The following LIMCH1 variants were observed in gnomAD, a reference collection of about 807,000 sequenced individuals.
LIMCH1 encodes the protein LIM and calponin homology domains 1.
A neutral mutation model predicts 176.5 loss-of-function variants in LIMCH1; 113 were observed. The observed-to-expected ratio is 0.64, with a 90% CI of 0.55 to 0.75. The LOEUF is 0.75. LIMCH1 is among the 30% of genes least tolerant of loss of function. The pLI, the probability that LIMCH1 is intolerant of heterozygous loss-of-function variation, is 0.00. For synonymous variants in LIMCH1, 619 were observed against 645.9 expected, an observed-to-expected ratio of 0.96 and a Z score of 0.63; for missense variants, 1,674 against 1,814.9, an observed-to-expected ratio of 0.92 and a Z score of 1.41.
intron 1 of LIMCH1, among the ~76,000 whole-genome samples, chr4:41,570,906 G>A (rs1204621185): frequency 6.6e-6 from 1 of 152,172 alleles, no homozygotes; most frequent in Non-Finnish European, 1.5e-5. Flanking sequence ...ATTTGAAGGA[G>A]AGTGCAGAAA....
intron 18 of LIMCH1, among the ~76,000 whole-genome samples, chr4:41,657,152 A>G (rs1168637055): frequency 6.6e-6 from 1 of 152,138 alleles, no homozygotes; most frequent in African/African-American, 2.4e-5. Context: ...GTCCCATGCA[A>G]CCTTTCTGTG....
intron 22 of LIMCH1, among the ~76,000 whole-genome samples, chr4:41,673,728 T>C (rs1276175834): frequency 6.6e-6 from 1 of 152,108 alleles, no homozygotes; most frequent in African/African-American, 2.4e-5. Context: ...CCTAAAAATA[T>C]AAGGTCTTGG....
intron 1 of LIMCH1, among the ~76,000 whole-genome samples, chr4:41,441,560 T>C (rs2062704565): frequency 6.6e-6 from 1 of 152,114 alleles, no homozygotes; most frequent in African/African-American, 2.4e-5. Flanking sequence ...CTCCCCACCC[T>C]CAACGTCTAA....
chr4:41,402,980 A>T (rs1198750695), intron 1 of LIMCH1, among the ~76,000 whole-genome samples: 1 of 108,890 alleles, frequency 9.2e-6, no homozygotes, highest in Middle Eastern at 4.2e-3. Flanking sequence ...GTATAATAAT[A>T]AAAAAAAAGA....
In LIMCH1 at chr4:41,668,765, T is replaced by G. The variant is rs114444875; in HGVS notation, c.3397+2099T>G. Among the ~76,000 whole-genome samples the G allele has an allele frequency of 8.9e-3, 1,352 of 152,346 alleles. 17 individuals carry two copies. The highest frequency in any genetic ancestry group is 0.027 in the Middle Eastern group (8 of 294). ...GGGTAATTTATAAAGGAAAGAGGCT[T>G]CATTGACTCATAGTTCCACATGGCT... On this transcript the variant is annotated intron_variant, in intron 21 of 31. Transcript: ENST00000503057.
Position 41,631,208 on chromosome 4 carries a change from T to C in LIMCH1, c.1332T>C (p.Thr444=), listed in dbSNP as rs576878360. The C allele has an allele frequency of 6.5e-7, 1 of 1,536,078 alleles. No individual in the cohort carries two copies. The highest frequency in any genetic ancestry group is 1.2e-5 in the South Asian group (1 of 84,058). ...CTTCCCCAGAAATTAAAGCAGAAACTGCCATTCGTGATGACTTTGCCAACC... is the reference window on the plus strand; with the variant it reads ...CTTCCCCAGAAATTAAAGCAGAAACCGCCATTCGTGATGACTTTGCCAACC... ...SEPSPEIKAE[T]AIRDDFANRK... is the part of the protein sequence containing the mutation. The change falls in exon 10 of 32, where the codon ACT becomes ACC. Residue 444 remains threonine, a synonymous_variant. Coordinates refer to ENST00000503057, the MANE Select transcript of LIMCH1 (RefSeq NM_001330672.2).
chr4:41,606,085 A>C lies in LIMCH1; in HGVS notation c.9+81A>C, dbSNP rs983664418. The stretch of plus-strand genomic sequence containing the variant: ...ACATTTGCTTGTTTTTAAGATTACT[A>C]GAGTACTGGGTTGTGGAATGGTATG... On this transcript the variant is annotated intron_variant, in intron 4 of 31. Transcript: ENST00000503057. 7.4e-6 allele frequency: 7 copies of C among 945,240 alleles called. No individual in the cohort carries two copies. The African/African-American group carries it at 1.1e-4, about 15-fold the overall frequency. The allele number at this position is 945,240 out of a possible 1,614,324, so 58.6% of individuals were successfully genotyped here. A position where few individuals can be genotyped will look rare whatever the true frequency, so the allele number is the denominator to read the frequency against.
intron 5 of LIMCH1, among the ~76,000 whole-genome samples, chr4:41,616,712 A>G (rs980687536): frequency 1.3e-5 from 2 of 152,022 alleles, no homozygotes; most frequent in Non-Finnish European, 2.9e-5. Context: ...TCCCAAGGGT[A>G]TACTGGGCCG....
chr4:41,467,791 A>G (rs1034575592), intron 1 of LIMCH1, among the ~76,000 whole-genome samples: 5 of 152,338 alleles, frequency 3.3e-5, no homozygotes, highest in Middle Eastern at 6.8e-3. Flanking sequence ...AGCATTGCAC[A>G]TCTTGCAGTT....
At chr4:41,438,205 TG>T (rs953911266) in intron 1 of LIMCH1, among the ~76,000 whole-genome samples, 1 of 152,172 alleles carries the variant, frequency 6.6e-6, no homozygotes, top group Non-Finnish European at 1.5e-5. Flanking sequence ...AGCTGCTCAT[TG>T]AACAGAGATG....
intron 1 of LIMCH1, among the ~76,000 whole-genome samples, chr4:41,547,599 C>T (rs2079650512): frequency 1.4e-5 from 2 of 145,050 alleles, no homozygotes; most frequent in Non-Finnish European, 3.0e-5. Context: ...ATTAAATGAG[C>T]TAATATATAA....
At chr4:41,684,616 C>T in intron 27 of LIMCH1, 98 bp downstream of exon 27, 2 of 1,365,798 alleles carry the variant, frequency 1.5e-6, no homozygotes, top group Admixed American at 4.3e-5. Flanking sequence ...GCAGGCTTCT[C>T]TCTAAGGGCC....
chr4:41,533,636 G>C (rs2077565412), upstream of LIMCH1, among the ~76,000 whole-genome samples: 1 of 152,106 alleles, frequency 6.6e-6, no homozygotes, highest in Admixed American at 6.6e-5. Flanking sequence ...TGCCTTTTAG[G>C]AGACTACTTT....
chr4:41,376,002 T>C (rs1447516223), intron 1 of LIMCH1, among the ~76,000 whole-genome samples: 2 of 152,238 alleles, frequency 1.3e-5, no homozygotes, highest in Non-Finnish European at 2.9e-5. Context: ...AAATGAAGTA[T>C]GTAGAAAATA....
intron 1 of LIMCH1, among the ~76,000 whole-genome samples, chr4:41,552,048 G>T (rs940656631): frequency 6.6e-6 from 1 of 152,178 alleles, no homozygotes; most frequent in African/African-American, 2.4e-5. Context: ...AGCAAGGGAC[G>T]TCTTACATGG....
At chr4:41,493,132 G>A (rs1357574362) in intron 1 of LIMCH1, among the ~76,000 whole-genome samples, 1 of 151,826 alleles carries the variant, frequency 6.6e-6, no homozygotes, top group Non-Finnish European at 1.5e-5. Context: ...TGCTTTTTTA[G>A]CCATTCTGAC....
At chr4:41,452,157 A>G (rs961900425) in intron 1 of LIMCH1, among the ~76,000 whole-genome samples, 4 of 152,220 alleles carry the variant, frequency 2.6e-5, no homozygotes, top group African/African-American at 7.2e-5. Context: ...TGTTTTTGCT[A>G]CTATGGCAAC....
intron 1 of LIMCH1, among the ~76,000 whole-genome samples, chr4:41,455,804 C>G (rs756536827): frequency 2.6e-5 from 4 of 152,166 alleles, no homozygotes; most frequent in Non-Finnish European, 4.4e-5. Flanking sequence ...TGTCAAGAGT[C>G]TTGTTAATCA....
Position 41,603,633 on chromosome 4 carries a change from A to G in LIMCH1, c.-133-242A>G, listed in dbSNP as rs548776318. Reference sequence around the variant, plus strand: ...GACTTTTTCTATTTCCAGAAATTATAAAGCATCGTCTTTTTATAGCGTACT... The same window carrying G: ...GACTTTTTCTATTTCCAGAAATTATGAAGCATCGTCTTTTTATAGCGTACT... On this transcript the variant is annotated intron_variant, in intron 2 of 31. Coordinates refer to ENST00000503057, the MANE Select transcript of LIMCH1 (RefSeq NM_001330672.2). 2.6e-5 allele frequency among the ~76,000 whole-genome samples: 4 copies of G among 152,306 alleles called. 1 individual carries two copies. The highest frequency in any genetic ancestry group is 9.6e-5 in the African/African-American group (4 of 41,564).
Sources: allele counts gnomAD v4.1 joint callset (sites outside exome capture counted in the v4.1 genomes callset), GRCh38; gene constraint gnomAD v4.1.1; transcripts MANE v1.5; gene names NCBI Gene and HGNC (gene_info 2026-07-23, HGNC 2026-07-21).